Variants in PRR16 observed in about 807,000 individuals in gnomAD.
PRR16 encodes the protein protein Largen.
A neutral mutation model predicts 18.2 loss-of-function variants in PRR16; 6 were observed. That is an observed-to-expected ratio of 0.33 (90% CI 0.18 to 0.65). The LOEUF (loss-of-function observed/expected upper bound fraction) is 0.65, where lower values mean the gene tolerates loss of function less well. Ranked by LOEUF, PRR16 falls within the 30% of genes least tolerant of loss-of-function variation. The probability of loss-of-function intolerance (pLI) is 0.74; values close to 1 mark genes in which losing one functional copy is unlikely to be tolerated. For missense variants in PRR16, 412 were observed against 376.6 expected, an observed-to-expected ratio of 1.09 and a Z score of -0.78; for synonymous variants, 151 against 147.8, an observed-to-expected ratio of 1.02 and a Z score of -0.16.
the PRR16 span, among the ~76,000 whole-genome samples, chr5:120,757,605 C>G: frequency 6.6e-6 from 1 of 151,636 alleles, no homozygotes; most frequent in Non-Finnish European, 1.5e-5. Flanking sequence ...TTTATTTTGT[C>G]GTTATTATAT....
At chr5:120,709,681 C>G in the PRR16 span, among the ~76,000 whole-genome samples, 2 of 152,122 alleles carry the variant, frequency 1.3e-5, no homozygotes, top group Non-Finnish European at 2.9e-5. Flanking sequence ...ATTTTACTCT[C>G]TACCTTCACA....
intron 1 of PRR16, among the ~76,000 whole-genome samples, chr5:120,528,451 T>A (rs1386004184): frequency 6.6e-6 from 1 of 152,092 alleles, no homozygotes; most frequent in African/African-American, 2.4e-5. Context: ...ATTCTGGTGA[T>A]GGGGTAGAGA....
chr5:120,640,537 A>T (rs1755387822), intron 1 of PRR16, among the ~76,000 whole-genome samples: 2 of 152,142 alleles, frequency 1.3e-5, no homozygotes. Context: ...TTAAGGCAGT[A>T]TATTCTGAGG....
At chr5:120,711,467 T>C in the PRR16 span, among the ~76,000 whole-genome samples, 3 of 152,170 alleles carry the variant, frequency 2.0e-5, no homozygotes, top group African/African-American at 4.8e-5. Flanking sequence ...TTTGCCATGA[T>C]TTTAGCTTGC....
chr5:120,588,935 A>T (rs897334777), intron 1 of PRR16, among the ~76,000 whole-genome samples: 1 of 151,176 alleles, frequency 6.6e-6, no homozygotes, highest in Non-Finnish European at 1.5e-5. Context: ...ATTTTTTTTT[A>T]TACTAAAGCC....
chr5:120,541,740 C>A (rs1751922789), intron 1 of PRR16, among the ~76,000 whole-genome samples: 1 of 152,136 alleles, frequency 6.6e-6, no homozygotes, highest in African/African-American at 2.4e-5. Flanking sequence ...AGAATTGTGG[C>A]TCTAGATATG....
chr5:120,497,640 C>G (rs1024380017), intron 1 of PRR16, among the ~76,000 whole-genome samples: 1 of 151,866 alleles, frequency 6.6e-6, no homozygotes, highest in Non-Finnish European at 1.5e-5. Context: ...CTGCCCACCT[C>G]AGCTTCCCAA....
intron 1 of PRR16, among the ~76,000 whole-genome samples, chr5:120,637,846 A>G (rs1755292254): frequency 6.6e-6 from 1 of 152,132 alleles, no homozygotes; most frequent in Admixed American, 6.6e-5. Flanking sequence ...CAACAACAAA[A>G]AAAAGAAATG....
chr5:120,617,211 T>C (rs1754541239), intron 1 of PRR16: 3 of 977,802 alleles, frequency 3.1e-6, no homozygotes, highest in Non-Finnish European at 3.6e-6. Flanking sequence ...CACCTTAACA[T>C]GATGTTTGCA....
At chr5:120,551,928 G>T (rs1041303726) in intron 1 of PRR16, among the ~76,000 whole-genome samples, 1 of 151,932 alleles carries the variant, frequency 6.6e-6, no homozygotes, top group East Asian at 1.9e-4. Flanking sequence ...CAAGAATTCA[G>T]CTCAGGATAT....
At chr5:120,733,764 T>A in the PRR16 span, among the ~76,000 whole-genome samples, 1 of 152,176 alleles carries the variant, frequency 6.6e-6, no homozygotes, top group African/African-American at 2.4e-5. Context: ...ATTAAAATAG[T>A]TTCTAAAAAT....
the PRR16 span, among the ~76,000 whole-genome samples, chr5:120,721,366 A>G: frequency 6.6e-6 from 1 of 151,998 alleles, no homozygotes; most frequent in Non-Finnish European, 1.5e-5. Flanking sequence ...GATCAAGGTG[A>G]GATGATCTAG....
intron 1 of PRR16, among the ~76,000 whole-genome samples, chr5:120,525,023 G>A (rs1354936508): frequency 6.6e-6 from 1 of 151,886 alleles, no homozygotes; most frequent in African/African-American, 2.4e-5. Context: ...ATCCTCTTTT[G>A]CCAGTCTATA....
chr5:120,646,245 A>T (rs978816555), intron 1 of PRR16, among the ~76,000 whole-genome samples: 2 of 151,792 alleles, frequency 1.3e-5, no homozygotes, highest in Non-Finnish European at 2.9e-5. Flanking sequence ...TTGTCATCTT[A>T]CATCTATCAT....
At chr5:120,725,750 C>T in the PRR16 span, among the ~76,000 whole-genome samples, 4 of 151,964 alleles carry the variant, frequency 2.6e-5, no homozygotes, top group African/African-American at 9.7e-5. Flanking sequence ...GCCTTGAGTG[C>T]AGAAATTATC....
At chr5:120,785,418 G>T in the PRR16 span, among the ~76,000 whole-genome samples, 2 of 151,924 alleles carry the variant, frequency 1.3e-5, no homozygotes, top group East Asian at 3.9e-4. Flanking sequence ...TATTTCAGTG[G>T]GAAAGCTTTG....
At chr5:120,732,646 A>G in the PRR16 span, among the ~76,000 whole-genome samples, 1 of 152,176 alleles carries the variant, frequency 6.6e-6, no homozygotes, top group Non-Finnish European at 1.5e-5. Context: ...TGGAGCTAAG[A>G]ATGAATGCAT....
chr5:120,703,716 T>G, the PRR16 span, among the ~76,000 whole-genome samples: 2 of 152,206 alleles, frequency 1.3e-5, no homozygotes, highest in African/African-American at 4.8e-5. Flanking sequence ...GAAAATATTA[T>G]TTTTATGTCT....
the PRR16 span, among the ~76,000 whole-genome samples, chr5:120,777,693 TTTA>T: frequency 1.3e-5 from 2 of 152,152 alleles, no homozygotes; most frequent in Non-Finnish European, 2.9e-5. Context: ...GGCCTTCTGA[TTTA>T]TTTCATTATA....
Sources: allele counts gnomAD v4.1 joint callset (sites outside exome capture counted in the v4.1 genomes callset), GRCh38; gene constraint gnomAD v4.1.1; transcripts MANE v1.5; gene names NCBI Gene and HGNC (gene_info 2026-07-23, HGNC 2026-07-21).